Variants in KLHL1 observed in about 807,000 individuals in gnomAD.
The protein encoded by KLHL1 is kelch-like protein 1.
In KLHL1, 47 loss-of-function variants were observed where a neutral mutation model predicts 77.7. That is an observed-to-expected ratio of 0.60 (90% CI 0.48 to 0.77). The LOEUF is 0.77. Ranked by LOEUF, KLHL1 falls within the 30% of genes least tolerant of loss-of-function variation. The pLI, the probability that KLHL1 is intolerant of heterozygous loss-of-function variation, is 0.00. For missense variants in KLHL1, 925 were observed against 910.8 expected (o/e 1.02, Z -0.20); for synonymous variants, 360 against 325.2 (o/e 1.11, Z -1.15).
chr13:70,046,635 G>C (rs1036155655), intron 1 of KLHL1, among the ~76,000 whole-genome samples: 1 of 152,118 alleles, frequency 6.6e-6, no homozygotes, highest in Non-Finnish European at 1.5e-5. Context: ...TTACAGGAGT[G>C]CACCACCATA....
intron 7 of KLHL1, among the ~76,000 whole-genome samples, chr13:69,761,940 G>T (rs1257663395): frequency 6.6e-6 from 1 of 152,068 alleles, no homozygotes; most frequent in Non-Finnish European, 1.5e-5. Context: ...TCTTTAGTTT[G>T]TCAAACCCAT....
intron 1 of KLHL1, among the ~76,000 whole-genome samples, chr13:69,982,140 T>G: frequency 6.6e-6 from 1 of 151,902 alleles, no homozygotes; most frequent in Admixed American, 6.6e-5. Flanking sequence ...AAAAACCTAT[T>G]ATAGATACAT....
At chr13:69,789,011 A>C (rs1185374312) in intron 7 of KLHL1, among the ~76,000 whole-genome samples, 1 of 146,356 alleles carries the variant, frequency 6.8e-6, no homozygotes, top group Non-Finnish European at 1.5e-5. Context: ...ACTGGACTCC[A>C]CAGGACTCTA....
chr13:69,840,398 G>A (rs985533428), intron 5 of KLHL1, among the ~76,000 whole-genome samples: 2 of 151,618 alleles, frequency 1.3e-5, no homozygotes, highest in African/African-American at 4.8e-5. Context: ...TTATTTTTGT[G>A]TTTTTAGTAG....
intron 1 of KLHL1, among the ~76,000 whole-genome samples, chr13:69,990,252 A>T (rs1230285482): frequency 6.6e-6 from 1 of 152,002 alleles, no homozygotes; most frequent in Non-Finnish European, 1.5e-5. Context: ...TTATAAAGCA[A>T]CTACACAGGC....
intron 6 of KLHL1, among the ~76,000 whole-genome samples, chr13:69,808,516 G>A (rs1331721917): frequency 6.6e-6 from 1 of 151,576 alleles, no homozygotes; most frequent in African/African-American, 2.4e-5. Flanking sequence ...CACCATATAC[G>A]CCACAGTCAT....
At chr13:69,915,882 C>G (rs1882413421) in intron 4 of KLHL1, among the ~76,000 whole-genome samples, 2 of 151,540 alleles carry the variant, frequency 1.3e-5, no homozygotes, top group Non-Finnish European at 2.9e-5. Flanking sequence ...ACAATGAACT[C>G]AAACAAATTT....
intron 4 of KLHL1, among the ~76,000 whole-genome samples, chr13:69,906,036 G>A (rs1882035834): frequency 6.6e-6 from 1 of 152,066 alleles, no homozygotes; most frequent in South Asian, 2.1e-4. Context: ...AGGAAATAAA[G>A]TAACCGTAAA....
In KLHL1 at chr13:69,788,500, G is replaced by A. The variant is rs182154088; in HGVS notation, c.1639+8238C>T. On this transcript the variant is annotated intron_variant, in intron 7 of 10. Transcript: ENST00000377844. ...CACAGGAAGGGGAACATCACACTTCGGGGACTGTTGTGGGGTCAGGGGAGG... is the reference window on the plus strand; with the variant it reads ...CACAGGAAGGGGAACATCACACTTCAGGGACTGTTGTGGGGTCAGGGGAGG... Among the ~76,000 whole-genome samples, 89 of 152,130 alleles carry A rather than the reference G, an allele frequency of 5.9e-4. 1 individual carries two copies. The highest frequency in any genetic ancestry group is 4.6e-3 in the Admixed American group (70 of 15,280).
intron 9 of KLHL1, among the ~76,000 whole-genome samples, chr13:69,712,995 ATTG>A (rs751360322): frequency 3.4e-4 from 51 of 151,696 alleles, no homozygotes; most frequent in Non-Finnish European, 5.7e-4. Flanking sequence ...TTTTATTATT[ATTG>A]TTTTTAAATT....
At chr13:69,887,080 A>G (rs1311217458) in intron 4 of KLHL1, among the ~76,000 whole-genome samples, 1 of 152,158 alleles carries the variant, frequency 6.6e-6, no homozygotes, top group Non-Finnish European at 1.5e-5. Flanking sequence ...AGTATGAAAA[A>G]TATAATCTTT....
chr13:70,089,523 G>A lies in KLHL1; in HGVS notation c.497+17680C>T, dbSNP rs548993403. ...CCTCCAGATTGTTAAAATAGCTTGC[G>A]TGATACAACACTGAGGTACATCTTT... On this transcript the variant is annotated intron_variant, in intron 1 of 10. Transcript: ENST00000377844. Among the ~76,000 whole-genome samples, 186 of 152,036 alleles carry A rather than the reference G, an allele frequency of 1.2e-3. 4 individuals carry two copies. In the South Asian group the frequency reaches 0.023, roughly 18 times the overall value.
chr13:70,003,853 T>C (rs1885349710), intron 1 of KLHL1, among the ~76,000 whole-genome samples: 2 of 151,652 alleles, frequency 1.3e-5, no homozygotes, highest in Non-Finnish European at 3.0e-5. Context: ...TACGAGACTA[T>C]TGCAGTAAAC....
At chr13:69,995,077 TAAAG>T (rs1171418477) in intron 1 of KLHL1, among the ~76,000 whole-genome samples, 1 of 152,148 alleles carries the variant, frequency 6.6e-6, no homozygotes, top group African/African-American at 2.4e-5. Flanking sequence ...CTTTTAAGGA[TAAAG>T]AAAGTTTTAT....
intron 8 of KLHL1, among the ~76,000 whole-genome samples, chr13:69,720,194 C>T (rs116625028): frequency 2.3e-3 from 352 of 152,226 alleles, no homozygotes; most frequent in African/African-American, 7.0e-3. Flanking sequence ...TTGATACACT[C>T]ATCTTGCTAT....
chr13:69,893,362 G>C (rs1881502866), intron 4 of KLHL1, among the ~76,000 whole-genome samples: 1 of 151,526 alleles, frequency 6.6e-6, no homozygotes, highest in South Asian at 2.1e-4. Context: ...AGCCTCCCGA[G>C]TAGCTGGGAC....
chr13:69,705,332 T>A (rs1285492334), intron 10 of KLHL1, among the ~76,000 whole-genome samples: 1 of 151,704 alleles, frequency 6.6e-6, no homozygotes, highest in African/African-American at 2.4e-5. Context: ...GTGTATGCAT[T>A]CTCTGTAAAA....
chr13:70,042,245 A>C (rs978412012), intron 1 of KLHL1, among the ~76,000 whole-genome samples: 1 of 151,796 alleles, frequency 6.6e-6, no homozygotes, highest in African/African-American at 2.4e-5. Flanking sequence ...ACCCTAACCA[A>C]TCTGCCTTCA....
chr13:70,093,175 A>G (rs1887708263), intron 1 of KLHL1, among the ~76,000 whole-genome samples: 1 of 152,138 alleles, frequency 6.6e-6, no homozygotes. Context: ...GAAGAGGTGA[A>G]AATACGATTT....
Sources: gnomAD v4.1 joint callset for allele counts (sites outside exome capture counted in the v4.1 genomes callset) on GRCh38, gnomAD v4.1.1 for gene constraint, MANE v1.5 for transcripts, NCBI Gene and HGNC (gene_info 2026-07-23, HGNC 2026-07-21) for gene names.